The following FMN1 variants were observed in gnomAD, a reference collection of about 807,000 sequenced individuals.
FMN1 encodes formin 1.
Under a neutral mutation model 132.4 loss-of-function variants are expected in FMN1, and 110 were observed. That is an observed-to-expected ratio of 0.83 (90% CI 0.71 to 0.97). The LOEUF is 0.97. Ranked by LOEUF, FMN1 falls within the 50% of genes least tolerant of loss-of-function variation. FMN1 has a pLI of 0.00. For synonymous variants in FMN1, 722 were observed against 651.7 expected (o/e 1.11, Z -1.64); for missense variants, 1,792 against 1,705.3 (o/e 1.05, Z -0.90).
chr15:32,944,876 T>C (rs766339141), intron 9 of FMN1, among the ~76,000 whole-genome samples: 22 of 152,082 alleles, frequency 1.4e-4, no homozygotes, highest in Non-Finnish European at 3.1e-4. Context: ...CTTTTTCCTA[T>C]TGATCATGGA....
chr15:33,041,793 G>A (rs973158168), intron 6 of FMN1, among the ~76,000 whole-genome samples: 2 of 152,102 alleles, frequency 1.3e-5, no homozygotes, highest in Admixed American at 6.5e-5. Context: ...AGTGGCAGTT[G>A]TTTAATGCAC....
chr15:32,925,450 CAT>C (rs1339352911), intron 10 of FMN1, among the ~76,000 whole-genome samples: 1 of 152,106 alleles, frequency 6.6e-6, no homozygotes, highest in Non-Finnish European at 1.5e-5. Context: ...TAAATAAAAA[CAT>C]AGCAGCATCA....
chr15:33,053,589 C>T (rs1162503776), intron 6 of FMN1, among the ~76,000 whole-genome samples: 1 of 152,176 alleles, frequency 6.6e-6, no homozygotes, highest in Non-Finnish European at 1.5e-5. Flanking sequence ...ATCCATACAT[C>T]TGACTAACTT....
At chr15:32,906,061 A>G (rs1394158330) in intron 12 of FMN1, among the ~76,000 whole-genome samples, 5 of 152,374 alleles carry the variant, frequency 3.3e-5, no homozygotes, top group South Asian at 4.1e-4. Context: ...AGAGAAAACA[A>G]GAGTAAGTTG....
At chr15:32,992,297 T>G (rs1409634485) in intron 7 of FMN1, among the ~76,000 whole-genome samples, 2 of 152,204 alleles carry the variant, frequency 1.3e-5, no homozygotes, top group Non-Finnish European at 2.9e-5. Flanking sequence ...GAATCAATGT[T>G]AGTTTTGCAT....
chr15:32,853,412 T>C (rs1215081654), intron 17 of FMN1, among the ~76,000 whole-genome samples: 1 of 152,202 alleles, frequency 6.6e-6, no homozygotes, highest in Non-Finnish European at 1.5e-5. Flanking sequence ...AATTTTTCTT[T>C]TTTTGTAGTA....
chr15:32,899,495 A>G (rs1359639215), intron 14 of FMN1, among the ~76,000 whole-genome samples: 1 of 152,210 alleles, frequency 6.6e-6, no homozygotes, highest in East Asian at 1.9e-4. Context: ...CTAAAGAGGT[A>G]GCGCCACAGG....
At chr15:32,838,093 G>A (rs572886731) in intron 17 of FMN1, among the ~76,000 whole-genome samples, 7 of 152,126 alleles carry the variant, frequency 4.6e-5, no homozygotes, top group South Asian at 2.1e-4. Context: ...ATAAAAGGCC[G>A]GCACGTTCAC....
chr15:32,899,942 T>C (rs1596223858), intron 14 of FMN1, 37 bp downstream of exon 14: 2 of 1,596,260 alleles, frequency 1.3e-6, no homozygotes, highest in South Asian at 1.1e-5. Flanking sequence ...AAGAAAATAA[T>C]GGCAGATCAT....
intron 6 of FMN1, among the ~76,000 whole-genome samples, chr15:33,052,579 G>C (rs1023469636): frequency 2.6e-5 from 4 of 152,162 alleles, no homozygotes; most frequent in Non-Finnish European, 5.9e-5. Context: ...TCTGACACCA[G>C]AGTTAGCATC....
At chr15:33,037,357 G>A (rs1300446694) in intron 6 of FMN1, among the ~76,000 whole-genome samples, 3 of 152,144 alleles carry the variant, frequency 2.0e-5, no homozygotes. Context: ...GGGTGAGGAG[G>A]GGAAAATAAG....
intron 17 of FMN1, among the ~76,000 whole-genome samples, chr15:32,829,052 T>G (rs2058439643): frequency 6.6e-6 from 1 of 152,206 alleles, no homozygotes; most frequent in African/African-American, 2.4e-5. Flanking sequence ...TTTGTTTACT[T>G]GGAGCAAGAG....
intron 4 of FMN1, among the ~76,000 whole-genome samples, chr15:33,131,096 G>A (rs537677274): frequency 1.3e-5 from 2 of 152,240 alleles, no homozygotes; most frequent in African/African-American, 4.8e-5. Context: ...TTGGGGGGCC[G>A]AGGCAGGTGG....
intron 2 of FMN1, among the ~76,000 whole-genome samples, chr15:33,183,836 G>T (rs1355596362): frequency 1.3e-5 from 2 of 152,140 alleles, no homozygotes; most frequent in African/African-American, 4.8e-5. Flanking sequence ...GGGGAGAAAG[G>T]GTGGGGAGGA....
Position 32,810,283 on chromosome 15 carries a change from C to CT in FMN1, c.3929-5952dup, listed in dbSNP as rs572858284. ...AACCCATGTTAGCAGAACACAGTCC[C>CT]TACTCATTAAGTGCCTGTTTTTTGG... On this transcript the variant is annotated intron_variant, in intron 17 of 20. Coordinates refer to ENST00000616417, the MANE Select transcript of FMN1 (RefSeq NM_001277313.2). Among the ~76,000 whole-genome samples the CT allele has an allele frequency of 1.3e-4, 20 of 152,328 alleles. No homozygotes were observed. In the South Asian group the frequency reaches 3.9e-3, roughly 30 times the overall value.
At chr15:33,133,231 AAAG>A (rs1473427890) in intron 4 of FMN1, among the ~76,000 whole-genome samples, 4 of 152,156 alleles carry the variant, frequency 2.6e-5, no homozygotes, top group African/African-American at 7.2e-5. Flanking sequence ...AGCCATCAAC[AAAG>A]AAGGAGAGTG....
At chr15:33,119,311 T>C (rs1039132229) in intron 4 of FMN1, among the ~76,000 whole-genome samples, 1 of 152,186 alleles carries the variant, frequency 6.6e-6, no homozygotes, top group Non-Finnish European at 1.5e-5. Context: ...TGAAATGGAC[T>C]GTCCATATCT....
chr15:33,121,020 TA>T (rs1962502391), intron 4 of FMN1, among the ~76,000 whole-genome samples: 1 of 152,176 alleles, frequency 6.6e-6, no homozygotes. Context: ...TATAGGATAG[TA>T]CTCTGCCTTC....
Position 32,969,345 on chromosome 15 carries a change from C to A in FMN1, c.2356G>T (p.Asp786Tyr). Residue 786 changes from aspartate (D) to tyrosine (Y), a missense_variant, in exon 8 of 21, where the codon GAT (aspartate) becomes TAT (tyrosine). Coordinates refer to ENST00000616417, the MANE Select transcript of FMN1 (RefSeq NM_001277313.2). ...RWRGGCEERK[D>Y]VCISTDDDCP... The stretch of plus-strand genomic sequence containing the variant: ...TCATCATCGGTGGAAATGCACACAT[C>A]TTTCCTCTCTTCACAACCCCCTCGC... 1 of 1,614,000 alleles carries A rather than the reference C, an allele frequency of 6.2e-7. No individual in the cohort carries two copies. The highest frequency in any genetic ancestry group is 8.5e-7 in the Non-Finnish European group (1 of 1,179,886).
Sources: allele counts gnomAD v4.1 joint callset (sites outside exome capture counted in the v4.1 genomes callset), GRCh38; gene constraint gnomAD v4.1.1; transcripts MANE v1.5; gene names NCBI Gene and HGNC (gene_info 2026-07-23, HGNC 2026-07-21).